TMCO6: variants seen among roughly 807,000 people sequenced by gnomAD.
TMCO6 encodes the protein transmembrane and coiled-coil domains 6.
A neutral mutation model predicts 61.8 loss-of-function variants in TMCO6; 47 were observed. That is an observed-to-expected ratio of 0.76 (90% CI 0.60 to 0.97). The LOEUF (loss-of-function observed/expected upper bound fraction) is 0.97, where lower values mean the gene tolerates loss of function less well. TMCO6 is among the 50% of genes least tolerant of loss of function. The pLI, the probability that TMCO6 is intolerant of heterozygous loss-of-function variation, is 0.00. For missense variants in TMCO6, 557 were observed against 601.6 expected, an observed-to-expected ratio of 0.93 and a Z score of 0.78; for synonymous variants, 261 against 254.2, an observed-to-expected ratio of 1.03 and a Z score of -0.25.
intron 6 of TMCO6, 23 bp from the exon 7 acceptor site, chr5:140,642,902 T>A: frequency 1.2e-6 from 2 of 1,614,166 alleles, no homozygotes; most frequent in Non-Finnish European, 1.7e-6. Flanking sequence ...GGTTCCTACT[T>A]ACAGCCCTGC....
At chr5:140,646,752 T>A (rs536892286), downstream of TMCO6, among the ~76,000 whole-genome samples, 188 of 152,260 alleles carry the variant, frequency 1.2e-3, no homozygotes, top group African/African-American at 4.5e-3. Flanking sequence ...GCATCTAAAG[T>A]TGCAGCTAGA....
At chr5:140,632,946 G>A in the TMCO6 span, 1 of 1,614,008 alleles carries the variant, frequency 6.2e-7, no homozygotes. The surrounding 1 kb of genome is among the most constrained non-coding windows in gnomAD (Gnocchi z 6.2). Flanking sequence ...GTGCACCAGC[G>A]GCAGCAGCAG....
In TMCO6 at chr5:140,643,435, G is replaced by C. The variant is rs140169496; in HGVS notation, c.807-129G>C. 5.8e-6 allele frequency: 5 copies of C among 856,648 alleles called. No individual in the cohort carries two copies. In the East Asian group the frequency reaches 9.9e-5, roughly 17 times the overall value. The allele number at this position is 856,648 out of a possible 1,614,324, so 53.1% of individuals were successfully genotyped here. On this transcript the variant is annotated intron_variant, in intron 7 of 11. Transcript: ENST00000394671. Reference sequence around the variant, plus strand: ...TGGTCTCAAACTCCTGACCTCAGGTGATCCACCCACCTCAGCCTCCCAAAG... The same window carrying C: ...TGGTCTCAAACTCCTGACCTCAGGTCATCCACCCACCTCAGCCTCCCAAAG...
At chr5:140,598,487 C>T in the TMCO6 span, among the ~76,000 whole-genome samples, 497 of 152,344 alleles carry the variant, frequency 3.3e-3, 3 homozygotes, top group Middle Eastern at 0.014. Flanking sequence ...TCTTTGTCCA[C>T]TGTTGGACAT....
chr5:140,644,078 C>T, intron 9 of TMCO6, 22 bp from the exon 10 acceptor site: 1 of 1,613,864 alleles, frequency 6.2e-7, no homozygotes, highest in South Asian at 1.1e-5. Context: ...AGCAGTTTTT[C>T]ACCCTGGTAC....
the TMCO6 span, among the ~76,000 whole-genome samples, chr5:140,630,990 G>A: frequency 1.3e-5 from 2 of 152,218 alleles, no homozygotes; most frequent in African/African-American, 2.4e-5. Flanking sequence ...GTAGGTCTCT[G>A]AGCTAATGTG....
At chr5:140,614,234 C>T in the TMCO6 span, among the ~76,000 whole-genome samples, 1 of 152,000 alleles carries the variant, frequency 6.6e-6, no homozygotes, top group Non-Finnish European at 1.5e-5. Flanking sequence ...TGCGGCCAGG[C>T]ACAGTAGCTC....
In TMCO6 at chr5:140,643,134, G is replaced by GT. The variant is rs1033577242; in HGVS notation, c.806+94dup. 46 of 1,559,090 alleles carry GT rather than the reference G, an allele frequency of 3.0e-5. No homozygotes were observed. In the African/African-American group the frequency reaches 5.8e-4, roughly 20 times the overall value. On this transcript the variant is annotated intron_variant, in intron 7 of 11. Coordinates refer to ENST00000394671, the MANE Select transcript of TMCO6 (RefSeq NM_018502.5). ...TGAACTTGTGTCTGGAATTGCTATAGTGAGTTTTCCTCCCTCCACTGTCTT... is the reference window on the plus strand; with the variant it reads ...TGAACTTGTGTCTGGAATTGCTATAGTTGAGTTTTCCTCCCTCCACTGTCTT...
chr5:140,638,360 A>G (rs766850205), upstream of TMCO6, among the ~76,000 whole-genome samples: 3 of 152,176 alleles, frequency 2.0e-5, no homozygotes, highest in Non-Finnish European at 2.9e-5. Flanking sequence ...AAATAATGAA[A>G]GGAATGTGAG....
chr5:140,634,791 AC>A (rs1372454864), upstream of TMCO6, among the ~76,000 whole-genome samples: 2 of 147,346 alleles, frequency 1.4e-5, no homozygotes, highest in African/African-American at 2.5e-5. Flanking sequence ...AGTCTTTTTT[AC>A]TTTTATTTAT....
the TMCO6 span, among the ~76,000 whole-genome samples, chr5:140,602,920 G>A: frequency 2.6e-5 from 4 of 152,110 alleles, no homozygotes; most frequent in African/African-American, 7.2e-5. Flanking sequence ...GACTAGCCTG[G>A]CCACATGGTG....
chr5:140,643,523 T>C (rs1470072862), intron 7 of TMCO6, 41 bp from the exon 8 acceptor site: 2 of 1,569,936 alleles, frequency 1.3e-6, no homozygotes, highest in South Asian at 1.1e-5. Context: ...AAAGGTGGAA[T>C]TGACTATATA....
chr5:140,624,836 A>ATTTC, the TMCO6 span, among the ~76,000 whole-genome samples: 26 of 137,736 alleles, frequency 1.9e-4, no homozygotes, highest in Non-Finnish European at 2.3e-4. Flanking sequence ...CCTCACCATC[A>ATTTC]TTTCTTTCTT....
intron 2 of TMCO6, among the ~76,000 whole-genome samples, chr5:140,640,500 G>A (rs536773900): frequency 6.6e-6 from 1 of 151,826 alleles, no homozygotes; most frequent in Admixed American, 6.6e-5. Context: ...CCGCCTCCCG[G>A]GTTCAAGCGA....
the TMCO6 span, among the ~76,000 whole-genome samples, chr5:140,630,853 G>T: frequency 2.6e-5 from 4 of 152,166 alleles, no homozygotes; most frequent in African/African-American, 9.7e-5. Flanking sequence ...GGGCCTATAT[G>T]CCTCCTCCCA....
At position 140,643,671 on chromosome 5, in the gene TMCO6, A is replaced by C; in HGVS notation, c.914A>C (p.Glu305Ala). ...CAGAAAACCGAGGATGCAGGACTGG[A>C]GCTGGTAGGTGAAGATGTCAGGTGA... ...AVQKTEDAGL[E>A]LLACPVLRCL... The change falls in exon 8 of 12, where the codon GAG (glutamate) becomes GCG (alanine). Residue 305 changes from glutamate (E) to alanine (A), a missense_variant. Transcript: ENST00000394671. 1 of 1,611,148 alleles carries C rather than the reference A, an allele frequency of 6.2e-7. No homozygotes were observed. Among genetic ancestry groups the C allele is most frequent in the South Asian group, 1.1e-5 (1 of 90,894 alleles).
At chr5:140,647,525 C>T (rs1313396905), downstream of TMCO6, 1 of 1,612,412 alleles carries the variant, frequency 6.2e-7, no homozygotes, top group African/African-American at 1.3e-5. Flanking sequence ...TAAGTGGATG[C>T]GAATCTCACG....
At chr5:140,621,227 C>T in the TMCO6 span, among the ~76,000 whole-genome samples, 1 of 152,152 alleles carries the variant, frequency 6.6e-6, no homozygotes, top group Non-Finnish European at 1.5e-5. Context: ...TCTTAGTATC[C>T]TTTGCTGATT....
chr5:140,647,352 C>T (rs1232553008), downstream of TMCO6: 3 of 1,609,690 alleles, frequency 1.9e-6, no homozygotes, highest in Non-Finnish European at 2.5e-6. Context: ...TAGCGTTTCT[C>T]AATGAAGTCC....
Sources: allele counts gnomAD v4.1 joint callset (sites outside exome capture counted in the v4.1 genomes callset), GRCh38; gene constraint gnomAD v4.1.1; non-coding constraint Gnocchi (gnomAD v3.1); transcripts MANE v1.5; gene names NCBI Gene and HGNC (gene_info 2026-07-23, HGNC 2026-07-21).